SUGP1: variants seen among roughly 807,000 people sequenced by gnomAD.
SUGP1 encodes SURP and G-patch domain containing 1.
A neutral mutation model predicts 76.5 loss-of-function variants in SUGP1; 34 were observed. That is an observed-to-expected ratio of 0.44 (90% CI 0.34 to 0.59). The LOEUF is 0.59. Ranked by LOEUF, SUGP1 falls within the 20% of genes least tolerant of loss-of-function variation. SUGP1 has a pLI of 0.01. For synonymous variants in SUGP1, 326 were observed against 326.2 expected (o/e 1.00, Z 0.01); for missense variants, 752 against 851.7 (o/e 0.88, Z 1.46).
intron 1 of SUGP1, 117 bp downstream of exon 1, chr19:19,320,346 G>T: frequency 8.7e-7 from 1 of 1,143,476 alleles, no homozygotes. Flanking sequence ...GCTGTGGGCT[G>T]CCCCGGGGCT....
intron 7 of SUGP1, among the ~76,000 whole-genome samples, chr19:19,298,416 C>T (rs569993801): frequency 6.6e-5 from 10 of 152,216 alleles, no homozygotes; most frequent in South Asian, 6.2e-4. Flanking sequence ...GACAATCACG[C>T]GAACCTGGGA....
chr19:19,304,816 G>A (rs1198168797), intron 4 of SUGP1, among the ~76,000 whole-genome samples: 1 of 152,098 alleles, frequency 6.6e-6, no homozygotes, highest in Non-Finnish European at 1.5e-5. Flanking sequence ...GAGAGGTGGG[G>A]AGTGTGTAGC....
At chr19:19,288,513 T>G (rs1255320270) in intron 8 of SUGP1, among the ~76,000 whole-genome samples, 2 of 152,086 alleles carry the variant, frequency 1.3e-5, no homozygotes, top group Non-Finnish European at 2.9e-5. Flanking sequence ...AAAAGTTACA[T>G]GTAGAGGCTG....
intron 8 of SUGP1, among the ~76,000 whole-genome samples, chr19:19,295,134 T>C (rs918338288): frequency 2.6e-5 from 4 of 151,498 alleles, no homozygotes; most frequent in African/African-American, 4.9e-5. Flanking sequence ...CTTGTTTATA[T>C]AATAACTGGG....
chr19:19,309,925 T>C (rs976881785), intron 3 of SUGP1, among the ~76,000 whole-genome samples, 172 bp downstream of exon 3: 9 of 151,992 alleles, frequency 5.9e-5, no homozygotes, highest in Non-Finnish European at 1.0e-4. Flanking sequence ...AAAAAAATTA[T>C]TTATGTATTA....
intron 2 of SUGP1, chr19:19,316,213 G>A (rs1277113319): frequency 1.5e-5 from 9 of 604,122 alleles, no homozygotes; most frequent in Non-Finnish European, 2.3e-5. Flanking sequence ...CTGAGTGGAT[G>A]AGTTGGCAGG....
At chr19:19,306,611 C>A (rs1695622723) in intron 3 of SUGP1, among the ~76,000 whole-genome samples, 1 of 152,240 alleles carries the variant, frequency 6.6e-6, no homozygotes, top group Non-Finnish European at 1.5e-5. Flanking sequence ...AGCTGTCTCA[C>A]CAGCAACAAT....
chr19:19,282,440 G>GT (rs1018009102), intron 8 of SUGP1, among the ~76,000 whole-genome samples: 4 of 137,246 alleles, frequency 2.9e-5, no homozygotes, highest in Admixed American at 7.2e-5. Flanking sequence ...CTCTATTTAT[G>GT]TTAAAAAAAA....
intron 12 of SUGP1, 99 bp downstream of exon 12, chr19:19,277,635 A>C: frequency 4.1e-6 from 6 of 1,461,350 alleles, no homozygotes; most frequent in Non-Finnish European, 5.6e-6. Context: ...TTTTGCCACA[A>C]GGGAAAAGCG....
rs1444346111 is a variant in SUGP1, at chr19:19,276,638, T to G, written c.*10A>C. The G allele has an allele frequency of 5.6e-6, 9 of 1,614,020 alleles. No individual in the cohort carries two copies. Among genetic ancestry groups the G allele is most frequent in the Non-Finnish European group, 7.6e-6 (9 of 1,180,014 alleles). On this transcript the variant is annotated 3_prime_UTR_variant, in exon 14 of 14. Transcript: ENST00000247001. The stretch of plus-strand genomic sequence containing the variant: ...GTTGGTCATTCAGAAAGTATGTATT[T>G]CCAGAACACTCAGTAGTAAGGCCGT...
chr19:19,277,603 G>A (rs1254123051), intron 12 of SUGP1, 131 bp downstream of exon 12: 3 of 1,215,906 alleles, frequency 2.5e-6, no homozygotes, highest in South Asian at 1.5e-5. Context: ...GACAAGGGGT[G>A]TGCAGTGGGG....
intron 8 of SUGP1, among the ~76,000 whole-genome samples, chr19:19,283,749 C>T (rs763395122): frequency 4.0e-5 from 6 of 151,664 alleles, no homozygotes; most frequent in Admixed American, 6.6e-5. Flanking sequence ...CCACCACGTC[C>T]GGCCAATTTT....
At chr19:19,309,874 C>T (rs1347780083) in intron 3 of SUGP1, among the ~76,000 whole-genome samples, 4 of 152,090 alleles carry the variant, frequency 2.6e-5, no homozygotes, top group South Asian at 2.1e-4. Context: ...ATCGCGCCAC[C>T]GCACTCCAGC....
chr19:19,306,286 C>T (rs1296507043), intron 3 of SUGP1, among the ~76,000 whole-genome samples: 1 of 152,190 alleles, frequency 6.6e-6, no homozygotes, highest in African/African-American at 2.4e-5. Flanking sequence ...AGAAAAGCAG[C>T]AGCCTGGGGC....
At chr19:19,281,754 T>C (rs778045192) in intron 8 of SUGP1, among the ~76,000 whole-genome samples, 14 of 152,136 alleles carry the variant, frequency 9.2e-5, no homozygotes, top group Non-Finnish European at 7.4e-5. Context: ...CATAGCTGCA[T>C]AGTGGGGCAC....
rs2061065405 is a variant in SUGP1 at position 19,277,780 on chromosome 19, C to T, written c.1735G>A (p.Glu579Lys). Reference protein sequence around the residue: ...MLMKMGWKEGEGLGSEGQGIK... With the variant: ...MLMKMGWKEGKGLGSEGQGIK... ...CCCTGGCCCTCTGAGCCCAGCCCCT[C>T]GCCCTCCTTCCAGCCCATCTTCATC... Residue 579 changes from glutamate (E) to lysine (K), a missense_variant, in exon 12 of 14, where the codon GAG becomes AAG. Physicochemically the swap from Glu to Lys is moderately conservative, Grantham distance 56. This residue lies in a region of SUGP1 where 132 missense variants were observed against 234.4 expected (regional missense o/e 0.56). Coordinates refer to ENST00000247001, the MANE Select transcript of SUGP1 (RefSeq NM_172231.4). 3.1e-6 allele frequency: 5 copies of T among 1,614,060 alleles called. No homozygotes were observed. The highest frequency in any genetic ancestry group is 2.2e-5 in the East Asian group (1 of 44,890).
chr19:19,307,587 GAC>G (rs2061326266), intron 3 of SUGP1, among the ~76,000 whole-genome samples: 1 of 152,170 alleles, frequency 6.6e-6, no homozygotes, highest in Admixed American at 6.5e-5. Flanking sequence ...GGGGTTGTCA[GAC>G]ACACAATTTC....
intron 7 of SUGP1, among the ~76,000 whole-genome samples, chr19:19,298,990 G>A (rs2061250528): frequency 1.3e-5 from 2 of 152,174 alleles, no homozygotes; most frequent in African/African-American, 4.8e-5. Flanking sequence ...GGGAGAAAGT[G>A]GAGCCCCCCA....
intron 1 of SUGP1, among the ~76,000 whole-genome samples, chr19:19,317,745 T>G: frequency 6.6e-6 from 1 of 151,622 alleles, no homozygotes; most frequent in Non-Finnish European, 1.5e-5. Flanking sequence ...TCTCAAACAT[T>G]CTTTCCACCT....
Sources: gnomAD v4.1 joint callset for allele counts (sites outside exome capture counted in the v4.1 genomes callset) on GRCh38, gnomAD v4.1.1 for gene constraint, gnomAD v4.1.1 regional missense constraint, MANE v1.5 for transcripts, NCBI Gene and HGNC (gene_info 2026-07-23, HGNC 2026-07-21) for gene names.